NBEAL1: variants seen among roughly 807,000 people sequenced by gnomAD.
The protein encoded by NBEAL1 is neurobeachin like 1.
NBEAL1 carries 273 observed loss-of-function variants against 351.3 expected under a neutral mutation model. The observed-to-expected ratio is 0.78, with a 90% CI of 0.70 to 0.86. The LOEUF (loss-of-function observed/expected upper bound fraction) is 0.86. Ranked by LOEUF, NBEAL1 falls within the 40% of genes least tolerant of loss-of-function variation. NBEAL1 has a pLI of 0.00. For synonymous variants in NBEAL1, 1,050 were observed against 1,086.4 expected (o/e 0.97, Z 0.66); for missense variants, 2,961 against 3,201.3 (o/e 0.92, Z 1.81).
Position 203,087,570 on chromosome 2 carries a change from T to C in NBEAL1, c.1098+3001T>C, listed in dbSNP as rs1289757008. On this transcript the variant is annotated intron_variant, in intron 10 of 55. Coordinates refer to ENST00000683969, the MANE Select transcript of NBEAL1 (RefSeq NM_001378026.1). ...TAAGACATCTGACTCAAGGCCTGCC[T>C]ATTAAGCCTTTCTTACAAAGACCCT... is the stretch of plus-strand genomic sequence containing the variant. Among the ~76,000 whole-genome samples the C allele has an allele frequency of 2.6e-5, 4 of 152,364 alleles. No homozygotes were observed. In the East Asian group the frequency reaches 7.7e-4, roughly 29 times the overall value.
intron 18 of NBEAL1, among the ~76,000 whole-genome samples, chr2:203,116,679 A>C (rs1391405214): frequency 6.6e-6 from 1 of 150,776 alleles, no homozygotes; most frequent in East Asian, 2.0e-4. Context: ...AGTCCCAGCT[A>C]CTTGGGAGGC....
intron 41 of NBEAL1, among the ~76,000 whole-genome samples, chr2:203,174,675 A>G (rs7570114): frequency 0.89 from 134,858 of 151,764 alleles, 60,913 homozygotes; most frequent in Non-Finnish European, 0.96. Context: ...GGTGGATCAC[A>G]AGGTCAGGAG....
At chr2:203,081,508 TAAATA>T (rs575800279) in intron 8 of NBEAL1, among the ~76,000 whole-genome samples, 4 of 152,230 alleles carry the variant, frequency 2.6e-5, no homozygotes, top group Non-Finnish European at 5.9e-5. Context: ...AAAAACTAAG[TAAATA>T]AAAGTTTTAT....
In NBEAL1 at chr2:203,225,030, A is replaced by G. The variant is rs2065993335; in HGVS notation, c.*7676A>G. Among the ~76,000 whole-genome samples the G allele has an allele frequency of 6.6e-6, 1 of 152,186 alleles. No individual in the cohort carries two copies. On this transcript the variant is annotated 3_prime_UTR_variant, in exon 56 of 56. Coordinates refer to ENST00000683969, the MANE Select transcript of NBEAL1 (RefSeq NM_001378026.1). ...GAGCTAATACTTGATTTGTTTCTGT[A>G]TAGCATGATTAAAGATAATTGAAAA...
chr2:203,027,286 G>T (rs1444640230), intron 2 of NBEAL1, among the ~76,000 whole-genome samples: 1 of 152,040 alleles, frequency 6.6e-6, no homozygotes, highest in East Asian at 1.9e-4. Flanking sequence ...TTCATTAATG[G>T]AAATGAGCTC....
chr2:203,050,057 C>T (rs1401720765), intron 4 of NBEAL1, 82 bp downstream of exon 4: 1 of 1,293,316 alleles, frequency 7.7e-7, no homozygotes, highest in African/African-American at 1.5e-5. Context: ...AGGAGGGGAA[C>T]ATCACACACT....
chr2:203,087,882 T>A (rs989363818), intron 10 of NBEAL1, among the ~76,000 whole-genome samples: 1 of 152,188 alleles, frequency 6.6e-6, no homozygotes, highest in African/African-American at 2.4e-5. Context: ...AGTAGAAGCT[T>A]AATAAATAAA....
intron 2 of NBEAL1, among the ~76,000 whole-genome samples, 156 bp downstream of exon 2, chr2:203,016,591 T>A (rs1340202106): frequency 6.6e-6 from 1 of 152,204 alleles, no homozygotes; most frequent in Non-Finnish European, 1.5e-5. Flanking sequence ...TGTTTTCCTC[T>A]TTTTCAGGTT....
At chr2:203,151,411 A>G in intron 34 of NBEAL1, 54 bp from the exon 35 acceptor site, 2 of 1,318,290 alleles carry the variant, frequency 1.5e-6, no homozygotes, top group Non-Finnish European at 2.1e-6. Context: ...AAATCAAACA[A>G]TCTTTGTAAC....
chr2:203,088,078 C>A (rs1018394329), intron 10 of NBEAL1, among the ~76,000 whole-genome samples: 13 of 152,182 alleles, frequency 8.5e-5, no homozygotes, highest in Admixed American at 5.2e-4. Context: ...TACTCTATAG[C>A]TAGTATTTTA....
intron 2 of NBEAL1, among the ~76,000 whole-genome samples, chr2:203,022,299 A>G (rs2060785298): frequency 2.0e-5 from 3 of 152,226 alleles, no homozygotes; most frequent in African/African-American, 7.2e-5. Context: ...AAAAACATAC[A>G]AAGTGACTCA....
chr2:203,180,021 A>G (rs4675320), intron 42 of NBEAL1, among the ~76,000 whole-genome samples: 135,184 of 152,184 alleles, frequency 0.89, 61,051 homozygotes, highest in Non-Finnish European at 0.96. Context: ...TAATCCACCC[A>G]CCTCAGCCTC....
chr2:203,145,803 A>G (rs1173727220), intron 33 of NBEAL1, among the ~76,000 whole-genome samples: 3 of 150,898 alleles, frequency 2.0e-5, no homozygotes, highest in Non-Finnish European at 4.4e-5. Context: ...ATCTCAAAAA[A>G]AAAAAAAAAA....
At chr2:203,087,227 G>A (rs988938046) in intron 10 of NBEAL1, among the ~76,000 whole-genome samples, 9 of 151,006 alleles carry the variant, frequency 6.0e-5, no homozygotes, top group Non-Finnish European at 1.3e-4. Flanking sequence ...CAAGTAGCTG[G>A]GATTATAGGC....
At chr2:203,075,577 G>A (rs1250679045) in intron 7 of NBEAL1, among the ~76,000 whole-genome samples, 1 of 152,178 alleles carries the variant, frequency 6.6e-6, no homozygotes, top group Non-Finnish European at 1.5e-5. Context: ...CCCAAAATGA[G>A]CCCTGTGCAT....
At position 203,039,483 on chromosome 2, in the gene NBEAL1, A is replaced by C. The variant is rs1025635135; in HGVS notation, c.52-2282A>C. ...CAGTAGCATGATCTCAGCTCACTGC[A>C]ACCTCCGCCTCCTGGGTTCAAGCAA... On this transcript the variant is annotated intron_variant, in intron 2 of 55. Transcript: ENST00000683969. Among the ~76,000 whole-genome samples the C allele has an allele frequency of 1.2e-4, 17 of 146,268 alleles. 1 individual carries two copies. The highest frequency in any genetic ancestry group is 2.3e-4 in the Non-Finnish European group (15 of 65,362).
At chr2:203,040,443 G>A in intron 2 of NBEAL1, 1 of 719,854 alleles carries the variant, frequency 1.4e-6, no homozygotes, top group Admixed American at 1.8e-5. Context: ...GACTTCGCCT[G>A]AAGAAAATGT....
At chr2:203,172,242 C>T (rs916362803) in intron 40 of NBEAL1, among the ~76,000 whole-genome samples, 1 of 151,994 alleles carries the variant, frequency 6.6e-6, no homozygotes, top group Non-Finnish European at 1.5e-5. Context: ...TCCAGTGGGG[C>T]AGGTGCGGTG....
At chr2:203,075,480 CAG>C (rs1453708666) in intron 7 of NBEAL1, among the ~76,000 whole-genome samples, 2 of 152,218 alleles carry the variant, frequency 1.3e-5, no homozygotes, top group Non-Finnish European at 2.9e-5. Context: ...TGTGTAAAAT[CAG>C]AGAATTACTC....
Sources: allele counts gnomAD v4.1 joint callset (sites outside exome capture counted in the v4.1 genomes callset), GRCh38; gene constraint gnomAD v4.1.1; transcripts MANE v1.5; gene names NCBI Gene and HGNC (gene_info 2026-07-23, HGNC 2026-07-21).